RETREG1: variants seen among roughly 807,000 people sequenced by gnomAD.
RETREG1 encodes the protein reticulophagy regulator 1, also known as family with sequence similarity 134 member B.
Under a neutral mutation model 54.8 loss-of-function variants are expected in RETREG1, and 44 were observed. The ratio of observed to expected loss-of-function variants is 0.80; its 90% confidence interval spans 0.63 to 1.03. RETREG1 has a LOEUF of 1.03. Ranked by LOEUF, RETREG1 falls within the 50% of genes least tolerant of loss-of-function variation. The pLI, the probability that RETREG1 is intolerant of heterozygous loss-of-function variation, is 0.00. For missense variants in RETREG1, 554 were observed against 605.1 expected, an observed-to-expected ratio of 0.92 and a Z score of 0.89; for synonymous variants, 217 against 238.5, an observed-to-expected ratio of 0.91 and a Z score of 0.83.
intron 3 of RETREG1, among the ~76,000 whole-genome samples, chr5:16,547,511 T>G (rs1741420925): frequency 6.6e-6 from 1 of 152,192 alleles, no homozygotes; most frequent in Admixed American, 6.5e-5. Context: ...CCATGAGTAT[T>G]AGCAACAATG....
At chr5:16,526,002 T>C (rs997101998) in intron 3 of RETREG1, among the ~76,000 whole-genome samples, 2 of 152,208 alleles carry the variant, frequency 1.3e-5, no homozygotes, top group African/African-American at 4.8e-5. Context: ...CTGCGGAAGA[T>C]AATCTGCCCT....
At chr5:16,481,201 T>C in intron 4 of RETREG1, 108 bp from the exon 5 acceptor site, 2 of 843,442 alleles carry the variant, frequency 2.4e-6, no homozygotes, top group Admixed American at 4.0e-5. Context: ...ATAAGTGACC[T>C]ATCTGGTTAT....
intron 3 of RETREG1, among the ~76,000 whole-genome samples, chr5:16,503,981 G>C (rs1739837869): frequency 6.6e-6 from 1 of 152,112 alleles, no homozygotes; most frequent in African/African-American, 2.4e-5. Flanking sequence ...ATGATGGTCT[G>C]CTACACCTAT....
chr5:16,563,289 G>A (rs537592256), intron 3 of RETREG1, among the ~76,000 whole-genome samples: 32 of 152,200 alleles, frequency 2.1e-4, no homozygotes, highest in South Asian at 2.1e-4. Context: ...ACAAGGTCTC[G>A]CTCTGTTGCC....
At chr5:16,480,457 T>A (rs544795630) in intron 5 of RETREG1, among the ~76,000 whole-genome samples, 1 of 152,250 alleles carries the variant, frequency 6.6e-6, no homozygotes, top group South Asian at 2.1e-4. Context: ...TGTACTTTCA[T>A]TTCTTTTGGG....
At chr5:16,611,306 T>C (rs1743337321) in intron 1 of RETREG1, among the ~76,000 whole-genome samples, 1 of 151,998 alleles carries the variant, frequency 6.6e-6, no homozygotes, top group South Asian at 2.1e-4. Context: ...CTAATGTAAA[T>C]GATGAGTTAA....
intron 3 of RETREG1, among the ~76,000 whole-genome samples, chr5:16,546,371 T>C (rs993304816): frequency 6.6e-6 from 1 of 152,232 alleles, no homozygotes; most frequent in African/African-American, 2.4e-5. Context: ...CCTTGCTATG[T>C]TGCCCAGGCT....
At chr5:16,505,874 G>A (rs568237962) in intron 3 of RETREG1, among the ~76,000 whole-genome samples, 3 of 152,268 alleles carry the variant, frequency 2.0e-5, no homozygotes, top group Admixed American at 2.0e-4. Context: ...CTCCCTGTTT[G>A]GGCTTCTGCC....
intron 3 of RETREG1, among the ~76,000 whole-genome samples, chr5:16,513,532 A>T (rs182557546): frequency 6.6e-6 from 1 of 152,276 alleles, no homozygotes; most frequent in East Asian, 1.9e-4. Context: ...TGGAAAAGAC[A>T]TTGTCCATTT....
intron 1 of RETREG1, among the ~76,000 whole-genome samples, chr5:16,582,662 GAA>G (rs10561101): frequency 0.059 from 8,547 of 145,302 alleles, 820 homozygotes; most frequent in African/African-American, 0.2. Context: ...AATAAAATAA[GAA>G]AAAAAAAAAA....
At chr5:16,562,539 T>C (rs16868794) in intron 3 of RETREG1, among the ~76,000 whole-genome samples, 6,141 of 152,148 alleles carry the variant, frequency 0.04, 379 homozygotes, top group African/African-American at 0.14. Flanking sequence ...CCCAATAGAC[T>C]CTCCTGCTTA....
At chr5:16,481,906 G>A (rs11954712) in intron 4 of RETREG1, among the ~76,000 whole-genome samples, 6,543 of 151,816 alleles carry the variant, frequency 0.043, 282 homozygotes, top group African/African-American at 0.11. Context: ...TACATTTTTC[G>A]TCATCTTTAA....
At chr5:16,497,247 GA>G (rs1356459542) in intron 3 of RETREG1, among the ~76,000 whole-genome samples, 1 of 152,124 alleles carries the variant, frequency 6.6e-6, no homozygotes, top group Non-Finnish European at 1.5e-5. Context: ...AGGCGACCAG[GA>G]TCAGAACCCA....
chr5:16,495,787 C>T (rs541517327), intron 3 of RETREG1, among the ~76,000 whole-genome samples: 129 of 136,114 alleles, frequency 9.5e-4, no homozygotes, highest in Middle Eastern at 7.5e-3. Flanking sequence ...GGCGACAGAG[C>T]GAGACTCTGT....
intron 3 of RETREG1, among the ~76,000 whole-genome samples, chr5:16,541,189 G>A (rs1216391553): frequency 2.0e-5 from 3 of 152,292 alleles, no homozygotes; most frequent in South Asian, 2.1e-4. Context: ...AGGGTCTTTG[G>A]GGAAATGATT....
intron 2 of RETREG1, among the ~76,000 whole-genome samples, chr5:16,570,767 GT>G (rs1193371882): frequency 6.6e-6 from 1 of 152,196 alleles, no homozygotes; most frequent in African/African-American, 2.4e-5. Context: ...CTGGATACGT[GT>G]GTGGTAAACA....
chr5:16,589,780 C>T (rs1277853447), intron 1 of RETREG1, among the ~76,000 whole-genome samples: 1 of 152,196 alleles, frequency 6.6e-6, no homozygotes, highest in Non-Finnish European at 1.5e-5. Flanking sequence ...AAGCCTGAGA[C>T]AGTAAAAAGC....
chr5:16,523,276 A>G lies in RETREG1; in HGVS notation c.459-39804T>C, dbSNP rs138958580. Among the ~76,000 whole-genome samples the G allele has an allele frequency of 1.3e-3, 192 of 152,180 alleles. 3 individuals are homozygous for G. The highest frequency in any genetic ancestry group is 4.1e-3 in the African/African-American group (171 of 41,522). ...TTTTGTTTTTTTCTTCATCCCTTCC[A>G]GGATACCCAGATACCCTCCCAGGCA... On this transcript the variant is annotated intron_variant, in intron 3 of 8. Transcript: ENST00000306320.
chr5:16,482,669 A>C (rs1323054390), intron 4 of RETREG1, among the ~76,000 whole-genome samples: 2 of 152,028 alleles, frequency 1.3e-5, no homozygotes, highest in African/African-American at 4.8e-5. Flanking sequence ...TGAAAGCAAC[A>C]CTGGAATAGA....
Sources: gnomAD v4.1 joint callset for allele counts (sites outside exome capture counted in the v4.1 genomes callset) on GRCh38, gnomAD v4.1.1 for gene constraint, MANE v1.5 for transcripts, NCBI Gene and HGNC (gene_info 2026-07-23, HGNC 2026-07-21) for gene names.